The following PHLPP2 variants were observed in gnomAD, a reference collection of about 807,000 sequenced individuals.
The protein encoded by PHLPP2 is PH domain and leucine rich repeat protein phosphatase 2, also known as PH domain leucine-rich repeat-containing protein phosphatase 2.
Under a neutral mutation model 124.9 loss-of-function variants are expected in PHLPP2, and 66 were observed. The ratio of observed to expected loss-of-function variants is 0.53; its 90% CI spans 0.43 to 0.65. PHLPP2 has a LOEUF of 0.65. Ranked by LOEUF, PHLPP2 falls within the 30% of genes least tolerant of loss-of-function variation. The probability of loss-of-function intolerance (pLI) is 0.00; values close to 1 mark genes in which losing one functional copy is unlikely to be tolerated. For missense variants in PHLPP2, 1,685 were observed against 1,600.4 expected, an observed-to-expected ratio of 1.05 and a Z score of -0.90; for synonymous variants, 681 against 624.7, an observed-to-expected ratio of 1.09 and a Z score of -1.34.
Position 71,646,062 on chromosome 16 carries a change from G to C in PHLPP2, c.*2828C>G, listed in dbSNP as rs2044651086. ...TATGCAGAGGCCAGAATCTCTGTCT[G>C]TGCTAGAGATCAACTGTACTCTGCC... On this transcript the variant is annotated 3_prime_UTR_variant, in exon 19 of 19. Coordinates refer to ENST00000568954, the MANE Select transcript of PHLPP2 (RefSeq NM_015020.3). The C allele has an allele frequency of 6.6e-6, 1 of 152,632 alleles. No homozygotes were observed. Among genetic ancestry groups the C allele is most frequent in the Non-Finnish European group, 1.5e-5 (1 of 68,042 alleles). The allele number at this position is 152,632 out of a possible 1,614,324, so 9.5% of individuals were successfully genotyped here. A position where few individuals can be genotyped will look rare whatever the true frequency, so the allele number is the denominator to read the frequency against.
rs1406606475 is a variant in PHLPP2 at position 71,646,906 on chromosome 16, A to T, written c.*1984T>A. ...TCGAGGGGTTGAACATTAGACATCC[A>T]TTAGAGTGTACCAAATCCCCCAAGA... On this transcript the variant is annotated 3_prime_UTR_variant, in exon 19 of 19. Transcript: ENST00000568954. The T allele has an allele frequency of 1.3e-5, 2 of 152,454 alleles. No homozygotes were observed. Among genetic ancestry groups the T allele is most frequent in the African/African-American group, 2.4e-5 (1 of 41,454 alleles). 9.4% of individuals were successfully genotyped at this position (152,454 alleles called of 1,614,324 possible).
intron 10 of PHLPP2, among the ~76,000 whole-genome samples, chr16:71,670,701 C>CACACACACACACACACACAA (rs1555545720): frequency 2.0e-5 from 3 of 151,070 alleles, no homozygotes; most frequent in Non-Finnish European, 4.4e-5. Context: ...TGAAAACACA[C>CACACACACACACACACACAA]ACACACACAC....
intron 3 of PHLPP2, among the ~76,000 whole-genome samples, chr16:71,691,211 T>TG (rs1157047135): frequency 2.6e-5 from 4 of 152,054 alleles, no homozygotes; most frequent in Admixed American, 1.3e-4. Context: ...CCCAGCACTT[T>TG]GGGGGGGCCA....
In PHLPP2 at chr16:71,663,975, T is replaced by C. The variant is rs1248170746; in HGVS notation, c.1909A>G (p.Ile637Val). Residue 637 changes from isoleucine (I) to valine (V), a missense_variant, in exon 13 of 19, where the codon ATA becomes GTA. Physicochemically the swap from Ile to Val is conservative, Grantham distance 29. Coordinates refer to ENST00000568954, the MANE Select transcript of PHLPP2 (RefSeq NM_015020.3). ...TGCAGGTGCCCTACCAGGACAGGTA[T>C]GCACTGATCCGTCAGGAGATTGTTG... ...LTNNLLTDQCIPVLVGHLHLR... is the reference protein window; with the variant it reads ...LTNNLLTDQCVPVLVGHLHLR... 6.2e-7 allele frequency: 1 copy of C among 1,613,864 alleles called. No homozygotes were observed. The highest frequency in any genetic ancestry group is 8.5e-7 in the Non-Finnish European group (1 of 1,179,842).
chr16:71,708,315 A>C (rs1325820853), intron 2 of PHLPP2, among the ~76,000 whole-genome samples: 2 of 152,124 alleles, frequency 1.3e-5, no homozygotes, highest in African/African-American at 4.8e-5. Context: ...AACTGATGAC[A>C]TTACCTTGTG....
At chr16:71,660,035 A>AT (rs1446407382) in intron 13 of PHLPP2, among the ~76,000 whole-genome samples, 1 of 151,996 alleles carries the variant, frequency 6.6e-6, no homozygotes, top group African/African-American at 2.4e-5. Context: ...AATTACAATT[A>AT]TTTTTTCTGA....
Position 71,672,271 on chromosome 16 carries a change from T to A in PHLPP2, c.1523A>T (p.Asp508Val). ...CATGAAAGACACTCACCGGGAGAGA[T>A]CCAAGAAAGTGAGCAGGCTGGGTAC... Reference protein sequence around the residue: ...YPVPSLLTFLDLSRNLLECVP... With the variant: ...YPVPSLLTFLVLSRNLLECVP... The change falls in exon 10 of 19, where the codon GAT becomes GTT. Residue 508 changes from aspartate to valine, a missense_variant. Asp to Val is a radical substitution (Grantham distance 152). Coordinates refer to ENST00000568954, the MANE Select transcript of PHLPP2 (RefSeq NM_015020.3). 6.2e-7 allele frequency: 1 copy of A among 1,612,942 alleles called. No homozygotes were observed. The highest frequency in any genetic ancestry group is 1.7e-5 in the Admixed American group (1 of 60,014).
Position 71,650,033 on chromosome 16 carries a change from C to A in PHLPP2, c.2829G>T (p.Val943=). The change falls in exon 19 of 19, where the codon GTG becomes GTT. Residue 943 remains valine, a synonymous_variant. Transcript: ENST00000568954. Reference sequence around the variant, plus strand: ...TCCGGGTACAGCAGGTTACCCCATTCACTTTGTTGTCCTACAGAAGAGCAG... The same window carrying A: ...TCCGGGTACAGCAGGTTACCCCATTAACTTTGTTGTCCTACAGAAGAGCAG... The part of the protein sequence containing the change: ...QKAIITEDNK[V]NGVTCCTRML... The A allele has an allele frequency of 6.2e-7, 1 of 1,605,622 alleles. No individual in the cohort carries two copies. The highest frequency in any genetic ancestry group is 1.1e-5 in the South Asian group (1 of 91,028).
chr16:71,686,623 A>T (rs2045057608), intron 4 of PHLPP2, among the ~76,000 whole-genome samples: 1 of 151,972 alleles, frequency 6.6e-6, no homozygotes, highest in Non-Finnish European at 1.5e-5. Context: ...GCAATCACTG[A>T]TCTGTTTTCT....
At chr16:71,658,151 G>C in intron 15 of PHLPP2, 82 bp downstream of exon 15, 1 of 1,157,584 alleles carries the variant, frequency 8.6e-7, no homozygotes, top group South Asian at 1.7e-5. Context: ...AATTAATCAA[G>C]ATCTCCACAG....
chr16:71,664,286 C>T (rs2044819677), intron 12 of PHLPP2, 187 bp from the exon 13 acceptor site: 1 of 599,664 alleles, frequency 1.7e-6, no homozygotes, highest in Admixed American at 2.9e-5. Context: ...TTACTCAACT[C>T]ATGCAAACCA....
At position 71,714,527 on chromosome 16, in the gene PHLPP2, T is replaced by G; in HGVS notation, c.269A>C (p.His90Pro). The G allele has an allele frequency of 6.2e-7, 1 of 1,610,886 alleles. No individual in the cohort carries two copies. The highest frequency in any genetic ancestry group is 1.7e-5 in the Admixed American group (1 of 59,884). ...EGRESLYLQL[H>P]GDLVRRLEPT... is the part of the protein sequence containing the mutation. ...GAGACCTCACCTGACCAGGTCTCCA[T>G]GAAGCTGTAAATAAAGACTTTCTCT... Residue 90 changes from histidine to proline, a missense_variant, in exon 2 of 19, where the codon CAT (histidine) becomes CCT (proline). Coordinates refer to ENST00000568954, the MANE Select transcript of PHLPP2 (RefSeq NM_015020.3).
chr16:71,681,681 G>A (rs954181776), intron 6 of PHLPP2, 70 bp downstream of exon 6: 1 of 1,200,518 alleles, frequency 8.3e-7, no homozygotes, highest in African/African-American at 1.6e-5. Flanking sequence ...ATGGTAGCAG[G>A]TAGAAGCCAT....
intron 3 of PHLPP2, among the ~76,000 whole-genome samples, chr16:71,695,506 C>G (rs1045845857): frequency 6.6e-6 from 1 of 152,110 alleles, no homozygotes; most frequent in Non-Finnish European, 1.5e-5. Context: ...GTCAGGAGTT[C>G]AAGACCAGCC....
intron 2 of PHLPP2, among the ~76,000 whole-genome samples, chr16:71,713,884 C>T (rs1302605738): frequency 4.0e-5 from 6 of 149,560 alleles, no homozygotes; most frequent in African/African-American, 1.5e-4. Context: ...ACTTCTCACT[C>T]TATACCCTTT....
chr16:71,699,882 T>C (rs943540404), intron 3 of PHLPP2, among the ~76,000 whole-genome samples: 4 of 152,208 alleles, frequency 2.6e-5, no homozygotes, highest in Non-Finnish European at 2.9e-5. Flanking sequence ...AGCCAGTTCC[T>C]GCACTCGCTC....
intron 1 of PHLPP2, among the ~76,000 whole-genome samples, chr16:71,717,409 T>C (rs1252896667): frequency 6.6e-6 from 1 of 152,218 alleles, no homozygotes; most frequent in Non-Finnish European, 1.5e-5. Flanking sequence ...GATTTAGGCA[T>C]TGCTATTCAA....
intron 9 of PHLPP2, among the ~76,000 whole-genome samples, chr16:71,673,021 G>C (rs1457047979): frequency 2.6e-5 from 4 of 152,152 alleles, no homozygotes; most frequent in Non-Finnish European, 5.9e-5. Flanking sequence ...TGTTTATACA[G>C]TTGCATATGA....
chr16:71,722,411 A>G (rs927892491), intron 1 of PHLPP2, among the ~76,000 whole-genome samples: 12 of 152,168 alleles, frequency 7.9e-5, no homozygotes, highest in African/African-American at 2.9e-4. Context: ...TGGGTGACAG[A>G]GTGAGACCCT....
Sources: allele counts gnomAD v4.1 joint callset (sites outside exome capture counted in the v4.1 genomes callset), GRCh38; gene constraint gnomAD v4.1.1; transcripts MANE v1.5; gene names NCBI Gene and HGNC (gene_info 2026-07-23, HGNC 2026-07-21).